ANK1: variants seen among roughly 807,000 people sequenced by gnomAD.
The protein encoded by ANK1 is ankyrin 1.
ANK1 carries 51 observed loss-of-function variants against 210.4 expected under a neutral mutation model. That is an observed-to-expected ratio of 0.24 (90% confidence interval 0.19 to 0.31). The LOEUF (loss-of-function observed/expected upper bound fraction) is 0.31. Among genes scored for constraint, ANK1 ranks in the 10% least tolerant of loss-of-function variants. The pLI is 1.00. For missense variants in ANK1, 2,051 were observed against 2,504.4 expected (o/e 0.82, Z 3.86); for synonymous variants, 967 against 1,025.9 (o/e 0.94, Z 1.10).
chr8:41,730,031 T>C (rs940298547), intron 3 of ANK1, among the ~76,000 whole-genome samples: 10 of 152,258 alleles, frequency 6.6e-5, no homozygotes, highest in Non-Finnish European at 1.0e-4. Context: ...CAGTATGTAG[T>C]TCTTTTTACT....
chr8:41,810,566 G>C (rs1394782727), intron 1 of ANK1, among the ~76,000 whole-genome samples: 1 of 152,258 alleles, frequency 6.6e-6, no homozygotes, highest in Non-Finnish European at 1.5e-5. Flanking sequence ...TCTGTAAGCA[G>C]TGGCTGCAGG....
upstream of ANK1, among the ~76,000 whole-genome samples, chr8:41,799,629 T>C (rs1849548977): frequency 6.6e-6 from 1 of 152,190 alleles, no homozygotes; most frequent in South Asian, 2.1e-4. Flanking sequence ...CCTTGTGCAG[T>C]GCTTCCGGTG....
At chr8:41,892,561 G>A (rs966068935) in intron 1 of ANK1, among the ~76,000 whole-genome samples, 2 of 152,194 alleles carry the variant, frequency 1.3e-5, no homozygotes, top group East Asian at 1.9e-4. Flanking sequence ...CAGAGACCCT[G>A]CAAGGAACTA....
chr8:41,839,399 A>G (rs956639573), intron 1 of ANK1, among the ~76,000 whole-genome samples: 1 of 152,204 alleles, frequency 6.6e-6, no homozygotes, highest in Non-Finnish European at 1.5e-5. Context: ...CTCTCCGCCC[A>G]CTCATTACAC....
intron 1 of ANK1, among the ~76,000 whole-genome samples, chr8:41,790,307 C>G (rs910387232): frequency 2.0e-5 from 3 of 152,102 alleles, no homozygotes; most frequent in Non-Finnish European, 4.4e-5. Context: ...CTACCATGCC[C>G]AGCGAATTTT....
At chr8:41,727,838 C>A in intron 4 of ANK1, 70 bp downstream of exon 4, 7 of 1,474,754 alleles carry the variant, frequency 4.7e-6, no homozygotes, top group Admixed American at 3.4e-5. Flanking sequence ...AATGGACCCA[C>A]GAGGGAGCAG....
intron 6 of ANK1, among the ~76,000 whole-genome samples, chr8:41,725,392 C>A (rs1830420875): frequency 1.3e-5 from 2 of 152,244 alleles, no homozygotes; most frequent in South Asian, 4.1e-4. Context: ...TTTCTCCACA[C>A]CCCAGCCCCT....
rs1448564148 is a variant in ANK1 at position 41,688,406 on chromosome 8, G to A, written c.4183+105C>T. On this transcript the variant is annotated intron_variant, in intron 34 of 42. Coordinates refer to ENST00000289734, the MANE Select transcript of ANK1 (RefSeq NM_000037.4). ...TGCAGCTGCTTTTGGAACTGGCTGAGCGAGCGGCACCTCAGCAGAACCCTC... is the reference window on the plus strand; with the variant it reads ...TGCAGCTGCTTTTGGAACTGGCTGAACGAGCGGCACCTCAGCAGAACCCTC... The A allele has an allele frequency of 1.0e-5, 15 of 1,475,762 alleles. No individual in the cohort carries two copies. In the South Asian group the frequency reaches 1.6e-4, roughly 16 times the overall value. The allele number at this position is 1,475,762 out of a possible 1,614,324, so 91.4% of individuals were successfully genotyped here.
Position 41,704,396 on chromosome 8 carries a change from G to T in ANK1, c.2174C>A (p.Ala725Glu). 1 of 1,614,144 alleles carries T rather than the reference G, an allele frequency of 6.2e-7. No individual in the cohort carries two copies. Among genetic ancestry groups the T allele is most frequent in the Non-Finnish European group, 8.5e-7 (1 of 1,180,020 alleles). The change falls in exon 19 of 43, where the codon GCA (alanine) becomes GAA (glutamate). Residue 725 changes from alanine (A) to glutamate (E), a missense_variant. This residue lies in a region of ANK1 where 1,413 missense variants were observed against 1,707.4 expected (regional missense o/e 0.83). Transcript: ENST00000289734. The surrounding 1 kb of genome is among the most constrained non-coding windows in gnomAD (Gnocchi z 4.1). Reference sequence around the variant, plus strand: ...TACCTTGGTCTTGGCATTGACATCTGCCTGGTGCTGCAGCAGAAACTTCAC... The same window carrying T: ...TACCTTGGTCTTGGCATTGACATCTTCCTGGTGCTGCAGCAGAAACTTCAC... ...KLVKFLLQHQADVNAKTKLGY... is the reference protein window; with the variant it reads ...KLVKFLLQHQEDVNAKTKLGY...
At position 41,795,923 on chromosome 8, in the gene ANK1, C is replaced by T. The variant is rs545974447; in HGVS notation, c.27+1589G>A. Among the ~76,000 whole-genome samples the T allele has an allele frequency of 2.6e-5, 4 of 152,162 alleles. No homozygotes were observed. In the South Asian group the frequency reaches 6.2e-4, roughly 24 times the overall value. On this transcript the variant is annotated intron_variant, in intron 1 of 42. Transcript: ENST00000289734. ...CAGAAGAGAGGACTTGTAATGATAC[C>T]AACACGTAAAAATGATAAACATTCA...
Position 41,844,525 on chromosome 8 carries a change from A to G in ANK1, c.126+51830T>C, listed in dbSNP as rs553303063. 2.6e-5 allele frequency among the ~76,000 whole-genome samples: 4 copies of G among 151,856 alleles called. No individual in the cohort carries two copies. The East Asian group carries it at 7.8e-4, about 29-fold the overall frequency. On this transcript the variant is annotated intron_variant, in intron 1 of 42. Transcript: ENST00000265709. ...GATGCACCCACCACACACCCCCCAC[A>G]CACACACTGCCACAGGGGGGCGGGC... is the stretch of plus-strand genomic sequence containing the variant.
At chr8:41,771,815 G>C (rs13254730) in intron 1 of ANK1, among the ~76,000 whole-genome samples, 7 of 152,200 alleles carry the variant, frequency 4.6e-5, no homozygotes, top group Admixed American at 3.3e-4. Flanking sequence ...CCCCCAGCTC[G>C]CTCCTGGCTT....
chr8:41,663,955 C>T lies in ANK1; in HGVS notation c.5395-213G>A, dbSNP rs113301876. The T allele has an allele frequency of 4.6e-3, 2,936 of 644,464 alleles. 48 individuals carry two copies. The highest frequency in any genetic ancestry group is 0.039 in the African/African-American group (2,180 of 55,854). 39.9% of individuals were successfully genotyped at this position (644,464 alleles called of 1,614,324 possible). Reference sequence around the variant, plus strand: ...AGGGTCTGGGAGGCCTGAAGACGAACGGTCGAGCTCACAATTGTGCACTTG... The same window carrying T: ...AGGGTCTGGGAGGCCTGAAGACGAATGGTCGAGCTCACAATTGTGCACTTG... On this transcript the variant is annotated intron_variant, in intron 39 of 42. Coordinates refer to ENST00000289734, the MANE Select transcript of ANK1 (RefSeq NM_000037.4).
Position 41,655,716 on chromosome 8 carries a change from G to C in ANK1, c.*74C>G. ...GCTCTCCTCCTGTGTGCATGGCAGA[G>C]TGTGTGGGGTTCAGGGGTTGGGTGT... On this transcript the variant is annotated 3_prime_UTR_variant, in exon 43 of 43. Transcript: ENST00000289734. 1 of 1,614,062 alleles carries C rather than the reference G, an allele frequency of 6.2e-7. No homozygotes were observed.
intron 2 of ANK1, among the ~76,000 whole-genome samples, chr8:41,738,128 G>A (rs1050089044): frequency 2.6e-5 from 4 of 152,206 alleles, no homozygotes; most frequent in Non-Finnish European, 5.9e-5. Context: ...CTTCGCAGAG[G>A]ACTTTTCAAG....
chr8:41,867,916 G>A (rs1428719404), intron 1 of ANK1, among the ~76,000 whole-genome samples: 2 of 152,218 alleles, frequency 1.3e-5, no homozygotes, highest in Non-Finnish European at 2.9e-5. Context: ...CTGGAGTACA[G>A]CGGTGCAATC....
Position 41,698,129 on chromosome 8 carries a change from C to T in ANK1, c.2559-8G>A. The T allele has an allele frequency of 6.2e-7, 1 of 1,613,908 alleles. No individual in the cohort carries two copies. The highest frequency in any genetic ancestry group is 8.5e-7 in the Non-Finnish European group (1 of 1,179,952). ...ATGGCTGGAGATTCCACCCTGCGTG[C>T]CAAGAACACCAGAACATCACAGGGC... On this transcript the variant is annotated splice_polypyrimidine_tract_variant and splice_region_variant and intron_variant, in intron 23 of 42. Transcript: ENST00000289734.
intron 38 of ANK1, among the ~76,000 whole-genome samples, chr8:41,670,886 C>T (rs1812051774): frequency 6.6e-6 from 1 of 152,204 alleles, no homozygotes; most frequent in Non-Finnish European, 1.5e-5. Context: ...CCAAGGTGAC[C>T]TGGAGGAAAG....
At chr8:41,803,152 A>G (rs1222277317) in intron 1 of ANK1, among the ~76,000 whole-genome samples, 1 of 133,044 alleles carries the variant, frequency 7.5e-6, no homozygotes, top group Admixed American at 7.8e-5. Flanking sequence ...GGAAAGAAAG[A>G]AAAGAAAAGA....
Sources: gnomAD v4.1 joint callset for allele counts (sites outside exome capture counted in the v4.1 genomes callset) on GRCh38, gnomAD v4.1.1 for gene constraint, gnomAD v4.1.1 regional missense constraint, Gnocchi (gnomAD v3.1) non-coding constraint, MANE v1.5 for transcripts, NCBI Gene and HGNC (gene_info 2026-07-23, HGNC 2026-07-21) for gene names.